Variants in PDE4B observed in about 807,000 individuals in gnomAD.
The protein encoded by PDE4B is phosphodiesterase 4B.
In PDE4B, 20 loss-of-function variants were observed where a neutral mutation model predicts 82.2. The observed-to-expected ratio is 0.24, with a 90% CI of 0.17 to 0.35. The LOEUF is 0.35. PDE4B is among the 10% of genes least tolerant of loss of function. The pLI, the probability that PDE4B is intolerant of heterozygous loss-of-function variation, is 1.00. For missense variants in PDE4B, 655 were observed against 907.2 expected, an observed-to-expected ratio of 0.72 and a Z score of 3.57; for synonymous variants, 320 against 318.9, an observed-to-expected ratio of 1.00 and a Z score of -0.04.
chr1:66,246,593 TG>T, intron 3 of PDE4B, among the ~76,000 whole-genome samples: 1 of 152,150 alleles, frequency 6.6e-6, no homozygotes, highest in East Asian at 1.9e-4. Flanking sequence ...TAAAGGAGAA[TG>T]TGAAAAGGGC....
In PDE4B at chr1:65,918,617, A is replaced by C. The variant is rs770777772; in HGVS notation, c.63A>C (p.Glu21Asp). ...TCCAGAATGTTAAAGATTATTTTGA[A>C]TGTAGCTTGAGTAAATCCTACAGTT... ...MADDNVKDYF[E>D]CSLSKSYSSS... Residue 21 changes from glutamate (E) to aspartate (D), a missense_variant, in exon 3 of 17, where the codon GAA (glutamate) becomes GAC (aspartate). Glu to Asp is a conservative substitution (Grantham distance 45). Coordinates refer to ENST00000341517, the MANE Select transcript of PDE4B (RefSeq NM_002600.4). 3.1e-6 allele frequency: 5 copies of C among 1,602,542 alleles called. No individual in the cohort carries two copies. The highest frequency in any genetic ancestry group is 4.3e-6 in the Non-Finnish European group (5 of 1,169,472).
chr1:66,325,162 T>G (rs1433401541), intron 7 of PDE4B, among the ~76,000 whole-genome samples: 3 of 152,200 alleles, frequency 2.0e-5, no homozygotes, highest in Non-Finnish European at 2.9e-5. Context: ...CTTAAAGGCA[T>G]GTAGAGCCAT....
chr1:66,267,141 A>G (rs1229490688), intron 7 of PDE4B: 2 of 153,492 alleles, frequency 1.3e-5, no homozygotes, highest in African/African-American at 2.4e-5. Flanking sequence ...AAATATTTTT[A>G]TAAAAGAAAG....
At chr1:66,040,763 G>A (rs1413853411) in intron 3 of PDE4B, among the ~76,000 whole-genome samples, 1 of 151,904 alleles carries the variant, frequency 6.6e-6, no homozygotes, top group Non-Finnish European at 1.5e-5. Context: ...GGTTAAGAAA[G>A]TATTTGCAAT....
chr1:65,810,207 C>T (rs780375977), intron 1 of PDE4B, among the ~76,000 whole-genome samples: 17 of 152,220 alleles, frequency 1.1e-4, no homozygotes, highest in Non-Finnish European at 2.2e-4. Context: ...TCCACACTTT[C>T]TGCTCTAGCA....
At chr1:65,953,404 G>A (rs7547416) in intron 3 of PDE4B, among the ~76,000 whole-genome samples, 88,206 of 151,884 alleles carry the variant, frequency 0.58, 25,841 homozygotes, top group African/African-American at 0.65. Flanking sequence ...AGATGGGGTG[G>A]TGATCCTAGA....
intron 3 of PDE4B, among the ~76,000 whole-genome samples, chr1:66,076,324 A>G: frequency 6.6e-6 from 1 of 152,158 alleles, no homozygotes; most frequent in South Asian, 2.1e-4. Flanking sequence ...AATGGCCTCC[A>G]GCTGCATCTA....
intron 3 of PDE4B, among the ~76,000 whole-genome samples, chr1:66,113,594 T>C (rs1645533274): frequency 6.6e-6 from 1 of 152,196 alleles, no homozygotes; most frequent in Admixed American, 6.5e-5. Flanking sequence ...AAAAATGTAT[T>C]ATTGGATATC....
intron 7 of PDE4B, among the ~76,000 whole-genome samples, chr1:66,310,233 C>T (rs1000721291): frequency 6.6e-6 from 1 of 152,156 alleles, no homozygotes; most frequent in Non-Finnish European, 1.5e-5. Flanking sequence ...GTACAACACC[C>T]ACATTTCATA....
Position 66,373,995 on chromosome 1 carries a change from TA to T in PDE4B, c.*1318del, listed in dbSNP as rs1245119561. ...GAGCTTTTACTTTTGTATAGCTTGA[TA>T]GGGGCAGGGGGCAATGGGATGTAGT... is the stretch of plus-strand genomic sequence containing the variant. On this transcript the variant is annotated 3_prime_UTR_variant, in exon 17 of 17. Coordinates refer to ENST00000341517, the MANE Select transcript of PDE4B (RefSeq NM_002600.4). 2 of 152,638 alleles carry T rather than the reference TA, an allele frequency of 1.3e-5. No homozygotes were observed. The highest frequency in any genetic ancestry group is 4.8e-5 in the African/African-American group (2 of 41,442). The allele number at this position is 152,638 out of a possible 1,614,324, so 9.5% of individuals were successfully genotyped here.
At position 66,372,575 on chromosome 1, in the gene PDE4B, G is replaced by A. The variant is rs375941228; in HGVS notation, c.2108G>A (p.Ser703Asn). The A allele has an allele frequency of 1.2e-6, 2 of 1,614,154 alleles. No individual in the cohort carries two copies. The highest frequency in any genetic ancestry group is 2.2e-5 in the East Asian group (1 of 44,886). ...EKEGEGHSYF[S>N]STKTLCVIDP... ...GAGGGAGAGGGACACAGCTATTTCAGCAGCACAAAGACGCTTTGTGTGATT... is the reference window on the plus strand; with the variant it reads ...GAGGGAGAGGGACACAGCTATTTCAACAGCACAAAGACGCTTTGTGTGATT... The change falls in exon 17 of 17, where the codon AGC becomes AAC. Residue 703 changes from serine (S) to asparagine (N), a missense_variant. Transcript: ENST00000341517.
intron 1 of PDE4B, among the ~76,000 whole-genome samples, chr1:65,829,835 T>C (rs1346923347): frequency 6.6e-6 from 1 of 152,168 alleles, no homozygotes; most frequent in African/African-American, 2.4e-5. Context: ...GTCAGAGATG[T>C]TGGTACGATC....
chr1:65,949,943 A>G (rs1317986318), intron 3 of PDE4B, among the ~76,000 whole-genome samples: 16 of 152,076 alleles, frequency 1.1e-4, no homozygotes, highest in Non-Finnish European at 2.9e-5. Context: ...AGTTTGTGTA[A>G]GAGACCTGCC....
At chr1:65,920,840 G>A (rs906135947) in intron 3 of PDE4B, among the ~76,000 whole-genome samples, 2 of 151,508 alleles carry the variant, frequency 1.3e-5, no homozygotes, top group Admixed American at 1.3e-4. Context: ...CCACATATTG[G>A]TAATTCATTT....
At chr1:66,214,415 G>A (rs1453186279) in intron 3 of PDE4B, among the ~76,000 whole-genome samples, 1 of 152,110 alleles carries the variant, frequency 6.6e-6, no homozygotes. Context: ...ACACAAGGGA[G>A]TTGGAGGTGA....
At position 66,225,285 on chromosome 1, in the gene PDE4B, G is replaced by A. The variant is rs141712942; in HGVS notation, c.282-22175G>A. Among the ~76,000 whole-genome samples the A allele has an allele frequency of 4.2e-3, 639 of 152,284 alleles. 5 individuals are homozygous for A. Among genetic ancestry groups the A allele is most frequent in the African/African-American group, 0.015 (612 of 41,536 alleles). On this transcript the variant is annotated intron_variant, in intron 3 of 16. Transcript: ENST00000341517. ...TTCTCACCTCAACTCACTTCAGCCA[G>A]GCTTGGGTCTGCTACGCCCAAATGG...
intron 1 of PDE4B, among the ~76,000 whole-genome samples, chr1:65,905,391 T>G (rs1445768443): frequency 6.6e-6 from 1 of 152,012 alleles, no homozygotes; most frequent in East Asian, 1.9e-4. Context: ...CCAGTCGAAC[T>G]AAAGCTAAAT....
intron 3 of PDE4B, among the ~76,000 whole-genome samples, chr1:66,081,826 C>G (rs61796644): frequency 0.06 from 5,687 of 95,526 alleles, 130 homozygotes; most frequent in East Asian, 0.12. Flanking sequence ...CTCTCTCTCT[C>G]TCTCTCTGTG....
intron 1 of PDE4B, among the ~76,000 whole-genome samples, chr1:65,861,905 C>G (rs1280566710): frequency 6.6e-6 from 1 of 152,042 alleles, no homozygotes; most frequent in Non-Finnish European, 1.5e-5. Flanking sequence ...TTTTTGTATC[C>G]TGAGATGTTT....
Sources: allele counts gnomAD v4.1 joint callset (sites outside exome capture counted in the v4.1 genomes callset), GRCh38; gene constraint gnomAD v4.1.1; transcripts MANE v1.5; gene names NCBI Gene and HGNC (gene_info 2026-07-23, HGNC 2026-07-21).